The following PPL variants were observed in gnomAD, a reference collection of about 807,000 sequenced individuals.
PPL encodes 190 kDa paraneoplastic pemphigus antigen.
In PPL, 198 loss-of-function variants were observed where a neutral mutation model predicts 194.4. The observed-to-expected ratio is 1.02, with a 90% confidence interval of 0.91 to 1.15. The LOEUF (loss-of-function observed/expected upper bound fraction) is 1.15. Ranked by LOEUF, PPL falls within the 50% of genes most tolerant of loss-of-function variation. The probability of loss-of-function intolerance (pLI) is 0.00; values close to 1 mark genes in which losing one functional copy is unlikely to be tolerated. For missense variants in PPL, 2,885 were observed against 2,294.8 expected (o/e 1.26, Z -5.25); for synonymous variants, 1,220 against 972.4 (o/e 1.25, Z -4.74).
chr16:4,901,302 G>C (rs1477797791), intron 4 of PPL, among the ~76,000 whole-genome samples: 3 of 152,084 alleles, frequency 2.0e-5, no homozygotes, highest in Non-Finnish European at 2.9e-5. Flanking sequence ...GAGCCTCAGG[G>C]GTCCACATGG....
Position 4,884,472 on chromosome 16 carries a change from G to C in PPL, c.4183C>G (p.Arg1395Gly), listed in dbSNP as rs780886438. The change falls in exon 22 of 22, where the codon CGG (arginine) becomes GGG (glycine). Residue 1395 changes from arginine (R) to glycine (G), a missense_variant. By Grantham distance (125) the Arg-to-Gly change is moderately radical. Transcript: ENST00000345988. The surrounding 1 kb of genome is among the most constrained non-coding windows in gnomAD (Gnocchi z 5.7). ...LRAELRRLQR[R>G]RTELERQLEE... ...AGCTGCCGCTCAAGCTCGGTGCGCC[G>C]GCGCTGCAGCCGCCGCAGCTCTGCC... 4 of 1,602,690 alleles carry C rather than the reference G, an allele frequency of 2.5e-6. 1 individual carries two copies. The South Asian group carries it at 3.3e-5, about 13-fold the overall frequency.
At position 4,885,546 on chromosome 16, in the gene PPL, G is replaced by C; in HGVS notation, c.3109C>G (p.Arg1037Gly). The change falls in exon 22 of 22, where the codon CGT (arginine) becomes GGT (glycine). Residue 1037 changes from arginine (R) to glycine (G), a missense_variant. By Grantham distance (125) the Arg-to-Gly change is moderately radical. Transcript: ENST00000345988. This position sits in a 1 kb window ranked among gnomAD's most constrained non-coding sequence, Gnocchi z 6.3. ...TTCTCTTCAGCCAGGGCGGCCACAC[G>C]CTGCTGCAGGAGGAGCACCTCTGCC... ...REAEVLLLQQ[R>G]VAALAEEKSR... The C allele has an allele frequency of 6.2e-7, 1 of 1,610,406 alleles. No individual in the cohort carries two copies. Among genetic ancestry groups the C allele is most frequent in the Non-Finnish European group, 8.5e-7 (1 of 1,179,916 alleles).
chr16:4,932,672 C>G (rs1596593629), intron 1 of PPL, among the ~76,000 whole-genome samples: 1 of 152,118 alleles, frequency 6.6e-6, no homozygotes, highest in Non-Finnish European at 1.5e-5. Flanking sequence ...TCCGCCTTAC[C>G]CTCTCAGAGT....
intron 1 of PPL, among the ~76,000 whole-genome samples, chr16:4,916,434 A>T (rs1009481308): frequency 2.0e-5 from 3 of 151,446 alleles, no homozygotes; most frequent in Non-Finnish European, 4.4e-5. Context: ...CTGGTCTCGA[A>T]CTCCTGACCT....
intron 14 of PPL, chr16:4,892,903 C>G: frequency 3.2e-6 from 1 of 310,042 alleles, no homozygotes; most frequent in Non-Finnish European, 5.9e-6. Context: ...CAAACGCTAA[C>G]GTGTTTGCAG....
intron 18 of PPL, among the ~76,000 whole-genome samples, 180 bp from the exon 19 acceptor site, chr16:4,889,241 GTT>G (rs869094472): frequency 2.3e-4 from 15 of 66,616 alleles, no homozygotes; most frequent in African/African-American, 9.1e-4. Flanking sequence ...TGTTGTTGTT[GTT>G]TTTTTTTTTT....
rs2088201171 is a variant in PPL at position 4,885,530 on chromosome 16, G to C, written c.3125C>G (p.Ala1042Gly). ...LLLQQRVAAL[A>G]EEKSRAQEKV... ...CTCCTGCGCCCGGCTCTTCTCTTCA[G>C]CCAGGGCGGCCACACGCTGCTGCAG... is the stretch of plus-strand genomic sequence containing the variant. Residue 1042 changes from alanine (A) to glycine (G), a missense_variant, in exon 22 of 22, where the codon GCT (alanine) becomes GGT (glycine). Physicochemically the swap from Ala to Gly is moderately conservative, Grantham distance 60 (BLOSUM62 0). Coordinates refer to ENST00000345988, the MANE Select transcript of PPL (RefSeq NM_002705.5). The surrounding 1 kb of genome is among the most constrained non-coding windows in gnomAD (Gnocchi z 6.3). 1 of 1,610,650 alleles carries C rather than the reference G, an allele frequency of 6.2e-7. No homozygotes were observed. The highest frequency in any genetic ancestry group is 1.7e-4 in the Middle Eastern group (1 of 6,058).
chr16:4,908,162 C>CA (rs55889324), intron 2 of PPL, among the ~76,000 whole-genome samples: 22 of 73,204 alleles, frequency 3.0e-4, no homozygotes, highest in African/African-American at 8.3e-4. Flanking sequence ...AGACTGTCTC[C>CA]AAAAAAAAAA....
intron 10 of PPL, 73 bp downstream of exon 10, chr16:4,895,521 G>T: frequency 4.3e-6 from 7 of 1,610,004 alleles, no homozygotes; most frequent in Admixed American, 3.3e-5. Flanking sequence ...GGCCTGTACA[G>T]GGCTGAGGGC....
At chr16:4,923,620 T>A (rs926729151) in intron 1 of PPL, among the ~76,000 whole-genome samples, 1 of 152,170 alleles carries the variant, frequency 6.6e-6, no homozygotes, top group African/African-American at 2.4e-5. Context: ...GGGAGGAAAC[T>A]GAGGCAGCCT....
chr16:4,907,015 C>A (rs913663258), intron 2 of PPL, among the ~76,000 whole-genome samples: 2 of 134,508 alleles, frequency 1.5e-5, no homozygotes, highest in East Asian at 2.4e-4. Flanking sequence ...GAGGCCCAGG[C>A]GGGAGGATTG....
chr16:4,883,841 C>A lies in PPL; in HGVS notation c.4814G>T (p.Gly1605Val). ...CCACAGTCTGGAGTCATGGTTGGTC[C>A]CAGAGTCCGCCACGGTCATGTTCCG... ...DLRNMTVADSGTNHDSRLWSL... is the reference protein window; with the variant it reads ...DLRNMTVADSVTNHDSRLWSL... Residue 1605 changes from glycine (G) to valine (V), a missense_variant, in exon 22 of 22, where the codon GGG becomes GTG. Coordinates refer to ENST00000345988, the MANE Select transcript of PPL (RefSeq NM_002705.5). The surrounding 1 kb of genome is among the most constrained non-coding windows in gnomAD (Gnocchi z 4.8). 6.2e-7 allele frequency: 1 copy of A among 1,614,060 alleles called. No homozygotes were observed. Among genetic ancestry groups the A allele is most frequent in the South Asian group, 1.1e-5 (1 of 91,078 alleles).
chr16:4,907,878 G>A (rs1347650856), intron 2 of PPL, among the ~76,000 whole-genome samples: 6 of 151,990 alleles, frequency 3.9e-5, no homozygotes, highest in South Asian at 2.1e-4. Context: ...AAAATAGGCC[G>A]GGTGCAGTGG....
In PPL at chr16:4,883,654, G is replaced by A. The variant is rs141230893; in HGVS notation, c.5001C>T (p.Arg1667=). 165 of 1,614,180 alleles carry A rather than the reference G, an allele frequency of 1.0e-4. 1 individual carries two copies. The African/African-American group carries it at 1.3e-3, about 12-fold the overall frequency. The change falls in exon 22 of 22, where the codon CGC becomes CGT. Residue 1667 remains arginine, a synonymous_variant. Transcript: ENST00000345988. The surrounding 1 kb of genome is among the most constrained non-coding windows in gnomAD (Gnocchi z 4.8). ...SIVVIHPDTG[R]ELSPEEAHRA... ...GGTGGGCTTCCTCCGGGGACAGCTCGCGGCCTGTGTCAGGGTGGATGACTA... is the reference window on the plus strand; with the variant it reads ...GGTGGGCTTCCTCCGGGGACAGCTCACGGCCTGTGTCAGGGTGGATGACTA...
At chr16:4,920,950 G>C (rs6500644) in intron 1 of PPL, among the ~76,000 whole-genome samples, 91,200 of 152,068 alleles carry the variant, frequency 0.6, 31,408 homozygotes, top group Non-Finnish European at 0.75. Context: ...TGTTTCACCA[G>C]TGGGCCTGAA....
At chr16:4,935,118 G>A (rs1037736557) in intron 1 of PPL, among the ~76,000 whole-genome samples, 14 of 152,202 alleles carry the variant, frequency 9.2e-5, no homozygotes, top group African/African-American at 3.1e-4. Flanking sequence ...GATATACAGA[G>A]AGTGGCAGGA....
At chr16:4,912,366 A>G (rs894827609) in intron 1 of PPL, among the ~76,000 whole-genome samples, 1 of 152,262 alleles carries the variant, frequency 6.6e-6, no homozygotes, top group Non-Finnish European at 1.5e-5. Flanking sequence ...TGCATATTGC[A>G]GCATCTATTA....
In PPL at chr16:4,890,224, T is replaced by G. The variant is rs1268040031; in HGVS notation, c.2273A>C (p.Asp758Ala). 1.9e-6 allele frequency: 3 copies of G among 1,614,180 alleles called. No individual in the cohort carries two copies. Among genetic ancestry groups the G allele is most frequent in the South Asian group, 1.1e-5 (1 of 91,078 alleles). The stretch of plus-strand genomic sequence containing the variant: ...CTTGGTCTCCATCTGGCTGAGGCTG[T>G]CTGTCTCCTGGGGCTCGTAACTGGG... Reference protein sequence around the residue: ...SIPSYEPQETDSLSQMETKLK... With the variant: ...SIPSYEPQETASLSQMETKLK... The change falls in exon 18 of 22, where the codon GAC becomes GCC. Residue 758 changes from aspartate (D) to alanine (A), a missense_variant. Coordinates refer to ENST00000345988, the MANE Select transcript of PPL (RefSeq NM_002705.5).
Position 4,883,687 on chromosome 16 carries a change from G to A in PPL, c.4968C>T (p.Arg1656=). 1 of 1,614,078 alleles carries A rather than the reference G, an allele frequency of 6.2e-7. No individual in the cohort carries two copies. Among genetic ancestry groups the A allele is most frequent in the Non-Finnish European group, 8.5e-7 (1 of 1,180,012 alleles). ...TGTCAGGGTGGATGACTACGATGGA[G>A]CGCCGCAGGTGGTTCTCCCGCTGCT... The part of the protein sequence containing the change: ...KREQRENHLR[R]SIVVIHPDTG... Residue 1656 remains arginine (R), a synonymous_variant, in exon 22 of 22, where the codon CGC becomes CGT. Transcript: ENST00000345988. This position sits in a 1 kb window ranked among gnomAD's most constrained non-coding sequence, Gnocchi z 4.8.
Sources: allele counts gnomAD v4.1 joint callset (sites outside exome capture counted in the v4.1 genomes callset), GRCh38; gene constraint gnomAD v4.1.1; non-coding constraint Gnocchi (gnomAD v3.1); transcripts MANE v1.5; gene names NCBI Gene and HGNC (gene_info 2026-07-23, HGNC 2026-07-21).